Variants in HECTD4 observed in about 807,000 individuals in gnomAD.
The protein encoded by HECTD4 is HECT domain E3 ubiquitin protein ligase 4.
HECTD4 carries 114 observed loss-of-function variants against 471.5 expected under a neutral mutation model. The ratio of observed to expected loss-of-function variants is 0.24; its 90% CI spans 0.21 to 0.28. HECTD4 has a LOEUF of 0.28. Ranked by LOEUF, HECTD4 falls within the 10% of genes least tolerant of loss-of-function variation. The pLI is 1.00. For missense variants in HECTD4, 3,866 were observed against 5,651.5 expected (o/e 0.68, Z 10.13); for synonymous variants, 2,012 against 2,256.0 (o/e 0.89, Z 3.07).
In HECTD4 at chr12:112,217,186, T is replaced by A; in HGVS notation, c.7084A>T (p.Ile2362Phe). The A allele has an allele frequency of 6.6e-7, 1 of 1,517,000 alleles. No homozygotes were observed. 94.0% of individuals were successfully genotyped at this position (1,517,000 alleles called of 1,614,324 possible). A position where few individuals can be genotyped will look rare whatever the true frequency, so the allele number is the denominator to read the frequency against. Residue 2362 changes from isoleucine to phenylalanine, a missense_variant, in exon 46 of 76, where the codon ATT (isoleucine) becomes TTT (phenylalanine). Physicochemically the swap from Ile to Phe is conservative, Grantham distance 21. Transcript: ENST00000682272. ...AACACTCGCGAGGGGCTCCAAGTAA[T>A]CTCTTTGGGCTGCATCAGGGAGAAA... ...LQADRRQPKE[I>F]TWSPSRVFPP...
rs1428813585 is a variant in HECTD4, at chr12:112,223,453, T to C, written c.6970+3190A>G. 2.0e-5 allele frequency among the ~76,000 whole-genome samples: 3 copies of C among 152,222 alleles called. No individual in the cohort carries two copies. The East Asian group carries it at 5.8e-4, about 29-fold the overall frequency. On this transcript the variant is annotated intron_variant, in intron 44 of 75. Coordinates refer to ENST00000682272, the MANE Select transcript of HECTD4 (RefSeq NM_001388303.1). ...TTCTTCTTTTTAGACAGAGTCTTGC[T>C]CTGTCTCCCAGGCTGGAGTGCAGTG...
chr12:112,328,989 T>C (rs1469769546), intron 1 of HECTD4, among the ~76,000 whole-genome samples: 3 of 152,224 alleles, frequency 2.0e-5, no homozygotes, highest in Non-Finnish European at 2.9e-5. Flanking sequence ...ATTGTCAGAA[T>C]TGTGAGGACT....
At chr12:112,180,244 C>T (rs987351585) in intron 62 of HECTD4, among the ~76,000 whole-genome samples, 3 of 152,156 alleles carry the variant, frequency 2.0e-5, no homozygotes, top group Non-Finnish European at 4.4e-5. Flanking sequence ...AGCAGAGTCA[C>T]AAGTTAAAAA....
intron 1 of HECTD4, among the ~76,000 whole-genome samples, chr12:112,380,278 C>T (rs1261252594): frequency 1.3e-5 from 2 of 152,032 alleles, no homozygotes; most frequent in African/African-American, 4.8e-5. Context: ...AACCCTGTCT[C>T]TACTAAAAAT....
rs759526330 is a variant in HECTD4, at chr12:112,273,635, A to G, written c.1942+20T>C. The stretch of plus-strand genomic sequence containing the variant: ...TTTCAGAGGAAAATCTTTTCCTGCA[A>G]GACCCTGAGTGCACCTCACCTTTGG... On this transcript the variant is annotated intron_variant, in intron 11 of 75. Transcript: ENST00000682272. 1.9e-6 allele frequency: 3 copies of G among 1,611,920 alleles called. No individual in the cohort carries two copies. Among genetic ancestry groups the G allele is most frequent in the Non-Finnish European group, 2.5e-6 (3 of 1,178,334 alleles).
chr12:112,199,078 G>T (rs570471976), intron 55 of HECTD4, among the ~76,000 whole-genome samples: 6 of 152,188 alleles, frequency 3.9e-5, no homozygotes, highest in Non-Finnish European at 8.8e-5. Flanking sequence ...CTGTTGAGCC[G>T]CCGGCCGCAG....
chr12:112,176,499 C>A, intron 65 of HECTD4, 97 bp downstream of exon 65: 1 of 809,898 alleles, frequency 1.2e-6, no homozygotes, highest in Non-Finnish European at 2.1e-6. Context: ...GTAGGAGTGG[C>A]CAGTCAGGAA....
chr12:112,210,749 CAT>C (rs1369016369), intron 49 of HECTD4, among the ~76,000 whole-genome samples: 2 of 152,232 alleles, frequency 1.3e-5, no homozygotes, highest in Non-Finnish European at 2.9e-5. Context: ...TGATTACATA[CAT>C]ACACATGCAT....
At chr12:112,305,386 G>C (rs1261497129) in intron 7 of HECTD4, among the ~76,000 whole-genome samples, 3 of 152,106 alleles carry the variant, frequency 2.0e-5, no homozygotes, top group African/African-American at 7.2e-5. Flanking sequence ...TCCTGCCACA[G>C]ACACTTTGCA....
chr12:112,291,111 T>C (rs2034875563), intron 7 of HECTD4, among the ~76,000 whole-genome samples: 1 of 152,108 alleles, frequency 6.6e-6, no homozygotes, highest in South Asian at 2.1e-4. Context: ...AATGTTTCTT[T>C]ACAAAATTTT....
chr12:112,318,878 G>A (rs945446400), intron 2 of HECTD4, among the ~76,000 whole-genome samples: 3 of 152,310 alleles, frequency 2.0e-5, no homozygotes. Flanking sequence ...ATCCTCCTAG[G>A]AGAAGTAGAC....
Position 112,265,239 on chromosome 12 carries a change from A to T in HECTD4, c.2555T>A (p.Ile852Asn). Reference protein sequence around the residue: ...ILKIVVRESCILITKCQTVSK... With the variant: ...ILKIVVRESCNLITKCQTVSK... ...GACAGTTTGGCACTTGGTGATTAAG[A>T]TACAGGATTCTCGTACAACAATCTT... is the stretch of plus-strand genomic sequence containing the variant. The change falls in exon 16 of 76, where the codon ATC becomes AAC. Residue 852 changes from isoleucine (I) to asparagine (N), a missense_variant. Coordinates refer to ENST00000682272, the MANE Select transcript of HECTD4 (RefSeq NM_001388303.1). 6.2e-7 allele frequency: 1 copy of T among 1,600,762 alleles called. No homozygotes were observed. The highest frequency in any genetic ancestry group is 8.5e-7 in the Non-Finnish European group (1 of 1,171,488).
At chr12:112,335,126 G>A (rs1002210520) in intron 1 of HECTD4, among the ~76,000 whole-genome samples, 2 of 130,338 alleles carry the variant, frequency 1.5e-5, no homozygotes, top group Non-Finnish European at 3.0e-5. Flanking sequence ...ACCAACAAGT[G>A]GATAAAGAAA....
At chr12:112,174,710 A>G (rs1480854651) in intron 66 of HECTD4, among the ~76,000 whole-genome samples, 2 of 152,098 alleles carry the variant, frequency 1.3e-5, no homozygotes, top group African/African-American at 4.8e-5. Context: ...GATTATAGGC[A>G]TGTGCCCCAT....
In HECTD4 at chr12:112,220,918, C is replaced by T. The variant is rs185223423; in HGVS notation, c.6971-1429G>A. 2.3e-4 allele frequency among the ~76,000 whole-genome samples: 35 copies of T among 152,276 alleles called. 1 individual carries two copies. The East Asian group carries it at 4.6e-3, about 20-fold the overall frequency. On this transcript the variant is annotated intron_variant, in intron 44 of 75. Coordinates refer to ENST00000682272, the MANE Select transcript of HECTD4 (RefSeq NM_001388303.1). ...CTGCTTAAGCCCAGGAGTTTGAGAC[C>T]AGCCTGGGAGACATAGTGAGACCCC...
chr12:112,176,014 G>A (rs1236423454), intron 65 of HECTD4, among the ~76,000 whole-genome samples, 155 bp from the exon 66 acceptor site: 1 of 152,208 alleles, frequency 6.6e-6, no homozygotes, highest in Non-Finnish European at 1.5e-5. Context: ...ATTTGCCATT[G>A]TGACCCACTG....
chr12:112,304,275 G>C (rs2035229459), intron 7 of HECTD4, among the ~76,000 whole-genome samples: 1 of 122,186 alleles, frequency 8.2e-6, no homozygotes, highest in Admixed American at 9.7e-5. Flanking sequence ...GACAGGGTCT[G>C]TCTCTGTCAC....
At chr12:112,378,761 C>T (rs1044227135) in intron 1 of HECTD4, among the ~76,000 whole-genome samples, 3 of 152,060 alleles carry the variant, frequency 2.0e-5, no homozygotes, top group Non-Finnish European at 2.9e-5. Flanking sequence ...ATTAATAAAC[C>T]GGCCAGACGC....
At chr12:112,310,699 A>T (rs2035353629) in intron 4 of HECTD4, among the ~76,000 whole-genome samples, 1 of 152,198 alleles carries the variant, frequency 6.6e-6, no homozygotes, top group East Asian at 1.9e-4. Context: ...TCAATGAAAA[A>T]ATTTGTTAAA....
Sources: gnomAD v4.1 joint callset for allele counts (sites outside exome capture counted in the v4.1 genomes callset) on GRCh38, gnomAD v4.1.1 for gene constraint, MANE v1.5 for transcripts, NCBI Gene and HGNC (gene_info 2026-07-23, HGNC 2026-07-21) for gene names.